The following DRICH1 variants were observed in gnomAD, a reference collection of about 807,000 sequenced individuals.
DRICH1 encodes aspartate-rich protein 1.
Under a neutral mutation model 39.5 loss-of-function variants are expected in DRICH1, and 38 were observed. The observed-to-expected ratio is 0.96, with a 90% CI of 0.74 to 1.26. The LOEUF is 1.26. DRICH1 is among the 50% of genes most tolerant of loss of function. The probability of loss-of-function intolerance (pLI) is 0.00; values close to 1 mark genes in which losing one functional copy is unlikely to be tolerated. For synonymous variants in DRICH1, 84 were observed against 99.5 expected, an observed-to-expected ratio of 0.84 and a Z score of 0.93; for missense variants, 279 against 270.4, an observed-to-expected ratio of 1.03 and a Z score of -0.22.
chr22:23,620,217 T>A (rs12484556), intron 5 of DRICH1, among the ~76,000 whole-genome samples: 22 of 152,050 alleles, frequency 1.4e-4, no homozygotes, highest in Non-Finnish European at 2.2e-4. Flanking sequence ...GCAGCAGATA[T>A]AACATGAAGG....
At chr22:23,596,105 CAG>C in the DRICH1 span, among the ~76,000 whole-genome samples, 2 of 152,334 alleles carry the variant, frequency 1.3e-5, no homozygotes, top group East Asian at 1.9e-4. Flanking sequence ...TTGCTGCACA[CAG>C]AGTCTTCCAC....
chr22:23,617,925 C>T (rs551572815), intron 6 of DRICH1, among the ~76,000 whole-genome samples: 18 of 152,128 alleles, frequency 1.2e-4, no homozygotes, highest in African/African-American at 4.3e-4. Flanking sequence ...GCCTTCCTCC[C>T]TCTCAAATGT....
At chr22:23,601,149 C>T in the DRICH1 span, among the ~76,000 whole-genome samples, 1 of 139,896 alleles carries the variant, frequency 7.1e-6, no homozygotes, top group African/African-American at 2.9e-5. Flanking sequence ...CACGCGCGCA[C>T]ACACACACAC....
chr22:23,592,015 C>T, the DRICH1 span, among the ~76,000 whole-genome samples: 5 of 152,326 alleles, frequency 3.3e-5, no homozygotes, highest in African/African-American at 9.6e-5. Context: ...ACCTCCAGCC[C>T]AGGCTCCTTC....
At chr22:23,611,478 G>A (rs148673244) in intron 11 of DRICH1, among the ~76,000 whole-genome samples, 2,028 of 148,316 alleles carry the variant, frequency 0.014, 27 homozygotes, top group Non-Finnish European at 0.021. Context: ...TGCAAACTCC[G>A]CCTCCCAGGT....
At chr22:23,622,204 G>A (rs778143507) in intron 3 of DRICH1, 28 bp from the exon 4 acceptor site, 3 of 1,604,100 alleles carry the variant, frequency 1.9e-6, no homozygotes, top group African/African-American at 2.7e-5. Context: ...AAAGATCCGT[G>A]CCCTGGTTGA....
intron 2 of DRICH1, 34 bp downstream of exon 2, chr22:23,625,947 C>T (rs764155776): frequency 6.4e-6 from 10 of 1,554,706 alleles, no homozygotes; most frequent in Non-Finnish European, 7.9e-6. Context: ...AGGAAAGCAA[C>T]ATTTCCTTAG....
At chr22:23,615,813 GT>G (rs1927319904) in intron 8 of DRICH1, among the ~76,000 whole-genome samples, 2 of 152,348 alleles carry the variant, frequency 1.3e-5, no homozygotes, top group South Asian at 4.1e-4. Flanking sequence ...GCACTCATAA[GT>G]TTCACAGATA....
chr22:23,601,539 G>T, the DRICH1 span, among the ~76,000 whole-genome samples: 2 of 152,270 alleles, frequency 1.3e-5, no homozygotes, highest in African/African-American at 2.4e-5. Flanking sequence ...ATTAATAGTT[G>T]CCAGGGGCTA....
chr22:23,608,406 G>A, downstream of DRICH1: 1 of 308,816 alleles, frequency 3.2e-6, no homozygotes, highest in Non-Finnish European at 6.1e-6. Context: ...TGGAAACCCT[G>A]AGCCCCTCAT....
chr22:23,586,675 C>G, the DRICH1 span, among the ~76,000 whole-genome samples: 12 of 152,170 alleles, frequency 7.9e-5, no homozygotes. Flanking sequence ...TCCAGAGTAG[C>G]TGGGATTACA....
chr22:23,594,505 GAT>G, the DRICH1 span, among the ~76,000 whole-genome samples: 2 of 152,330 alleles, frequency 1.3e-5, no homozygotes, highest in South Asian at 4.1e-4. Context: ...GGGAGACAGA[GAT>G]AGCAGTAAGC....
chr22:23,602,522 T>C, the DRICH1 span, among the ~76,000 whole-genome samples: 4 of 152,220 alleles, frequency 2.6e-5, no homozygotes, highest in African/African-American at 9.7e-5. Flanking sequence ...CTGTCTCTAC[T>C]AAAAATACAA....
chr22:23,588,416 G>A, the DRICH1 span, among the ~76,000 whole-genome samples: 1 of 152,224 alleles, frequency 6.6e-6, no homozygotes, highest in Non-Finnish European at 1.5e-5. Flanking sequence ...ATGAGCCACT[G>A]TGCCCAGCCC....
chr22:23,591,255 C>T, the DRICH1 span, among the ~76,000 whole-genome samples: 201 of 152,288 alleles, frequency 1.3e-3, 2 homozygotes, highest in African/African-American at 4.7e-3. Flanking sequence ...GTGGGGTCCT[C>T]CTCCCCCAGT....
rs1927501852 is a variant in DRICH1, at chr22:23,618,379, G to T, written c.437-722C>A. On this transcript the variant is annotated intron_variant, in intron 6 of 11. Coordinates refer to ENST00000317749, the MANE Select transcript of DRICH1 (RefSeq NM_016449.4). ...TCCACCCACCTCGGCCTCCCAAAGTGCTGGGATTACAGGGGTGAGCCACCG... is the reference window on the plus strand; with the variant it reads ...TCCACCCACCTCGGCCTCCCAAAGTTCTGGGATTACAGGGGTGAGCCACCG... 3.9e-5 allele frequency among the ~76,000 whole-genome samples: 6 copies of T among 151,968 alleles called. No homozygotes were observed. In the South Asian group the frequency reaches 1.3e-3, roughly 32 times the overall value.
chr22:23,627,397 A>C (rs1473076606), intron 1 of DRICH1, among the ~76,000 whole-genome samples: 2 of 152,122 alleles, frequency 1.3e-5, no homozygotes, highest in Non-Finnish European at 2.9e-5. Flanking sequence ...GTAAATAGTT[A>C]AATGTATTTA....
the DRICH1 span, among the ~76,000 whole-genome samples, chr22:23,589,225 C>A: frequency 6.6e-6 from 1 of 152,016 alleles, no homozygotes; most frequent in African/African-American, 2.4e-5. Context: ...CCAAGGTGGG[C>A]AGATCTCTTG....
the DRICH1 span, among the ~76,000 whole-genome samples, chr22:23,594,352 T>A: frequency 6.6e-5 from 10 of 152,204 alleles, no homozygotes; most frequent in African/African-American, 2.4e-4. Flanking sequence ...GTGGATCACC[T>A]GAGATCAGGA....
Sources: allele counts gnomAD v4.1 joint callset (sites outside exome capture counted in the v4.1 genomes callset), GRCh38; gene constraint gnomAD v4.1.1; transcripts MANE v1.5; gene names NCBI Gene and HGNC (gene_info 2026-07-23, HGNC 2026-07-21).